CNTNAP2: variants seen among roughly 807,000 people sequenced by gnomAD.
The protein encoded by CNTNAP2 is contactin-associated protein-like 2.
Under a neutral mutation model 155.2 loss-of-function variants are expected in CNTNAP2, and 98 were observed. The observed-to-expected ratio is 0.63, with a 90% CI of 0.54 to 0.75. The LOEUF (loss-of-function observed/expected upper bound fraction) is 0.75. CNTNAP2 is among the 30% of genes least tolerant of loss of function. The pLI is 0.00. For synonymous variants in CNTNAP2, 651 were observed against 631.2 expected (o/e 1.03, Z -0.47); for missense variants, 1,727 against 1,688.1 (o/e 1.02, Z -0.40).
At chr7:147,642,011 CGTGTGTGT>C (rs3053478) in intron 13 of CNTNAP2, among the ~76,000 whole-genome samples, 1 of 149,600 alleles carries the variant, frequency 6.7e-6, no homozygotes, top group Non-Finnish European at 1.5e-5. Context: ...TGTGTGTGTG[CGTGTGTGT>C]GTGTGTGTGT....
intron 9 of CNTNAP2, among the ~76,000 whole-genome samples, chr7:147,378,274 T>C (rs983991452): frequency 7.9e-5 from 12 of 152,022 alleles, no homozygotes; most frequent in African/African-American, 2.9e-4. Flanking sequence ...TGAGAGGTTT[T>C]TTTCTTTAAA....
intron 17 of CNTNAP2, among the ~76,000 whole-genome samples, chr7:148,158,629 A>G (rs1345984192): frequency 6.6e-6 from 1 of 152,192 alleles, no homozygotes; most frequent in Non-Finnish European, 1.5e-5. Context: ...ACTATATTAT[A>G]TGGGTAGAAA....
chr7:147,409,228 A>T (rs899510285), intron 10 of CNTNAP2, among the ~76,000 whole-genome samples: 7 of 152,260 alleles, frequency 4.6e-5, no homozygotes, highest in African/African-American at 1.4e-4. Context: ...TAGAGGCAGA[A>T]TTGAGATAGA....
chr7:146,940,700 C>T (rs1283458296), intron 3 of CNTNAP2, among the ~76,000 whole-genome samples: 2 of 151,334 alleles, frequency 1.3e-5, no homozygotes, highest in South Asian at 2.1e-4. Flanking sequence ...TATATATACA[C>T]ACACACACAC....
chr7:147,243,670 G>A (rs17170371), intron 8 of CNTNAP2, among the ~76,000 whole-genome samples: 12,960 of 151,958 alleles, frequency 0.085, 578 homozygotes, highest in Middle Eastern at 0.099. Flanking sequence ...CAAAATTTGT[G>A]GATAAAAATA....
intron 3 of CNTNAP2, among the ~76,000 whole-genome samples, chr7:146,948,284 A>G (rs1262472400): frequency 1.3e-5 from 2 of 152,314 alleles, no homozygotes; most frequent in Non-Finnish European, 1.5e-5. Context: ...GACACAGACC[A>G]TGTTGCCTGC....
chr7:146,847,068 A>ACGTTGAACTCAATGCTAATTTTT (rs1562971381), intron 3 of CNTNAP2, among the ~76,000 whole-genome samples: 2 of 151,872 alleles, frequency 1.3e-5, no homozygotes, highest in African/African-American at 4.8e-5. Flanking sequence ...AATTTTTTTT[A>ACGTTGAACTCAATGCTAATTTTT]TCGTGTCAAG....
intron 13 of CNTNAP2, among the ~76,000 whole-genome samples, chr7:147,648,490 A>G (rs1795402457): frequency 6.6e-6 from 1 of 152,252 alleles, no homozygotes; most frequent in Non-Finnish European, 1.5e-5. Context: ...TGATAAAGAC[A>G]TACCTGAGAC....
chr7:146,956,448 AG>A (rs1241942332), intron 3 of CNTNAP2, among the ~76,000 whole-genome samples: 2 of 152,156 alleles, frequency 1.3e-5, no homozygotes, highest in Non-Finnish European at 2.9e-5. Context: ...CTACCTTAGA[AG>A]AAAGGAAAAG....
chr7:146,721,889 A>ATATATATATTTTTTTTTTTTTT, intron 1 of CNTNAP2, among the ~76,000 whole-genome samples: 1 of 69,734 alleles, frequency 1.4e-5, no homozygotes, highest in African/African-American at 1.9e-4. Flanking sequence ...ATATATATAT[A>ATATATATATTTTTTTTTTTTTT]TTTTTTTTTT....
intron 13 of CNTNAP2, among the ~76,000 whole-genome samples, chr7:147,667,188 G>A (rs1795709380): frequency 6.6e-6 from 1 of 152,208 alleles, no homozygotes; most frequent in Admixed American, 6.5e-5. Context: ...TGCAAGTGCT[G>A]ATGTGAAGAC....
At position 146,245,267 on chromosome 7, in the gene CNTNAP2, A is replaced by G. The variant is rs973997639; in HGVS notation, c.97+128294A>G. On this transcript the variant is annotated intron_variant, in intron 1 of 23. Transcript: ENST00000361727. The stretch of plus-strand genomic sequence containing the variant: ...TATCAGGAATAATGTGGGAGGCCAG[A>G]TTGAAGTCCGGGCCAGGAACAATGG... Among the ~76,000 whole-genome samples, 31 of 152,182 alleles carry G rather than the reference A, an allele frequency of 2.0e-4. 1 individual carries two copies. Among genetic ancestry groups the G allele is most frequent in the Non-Finnish European group, 7.3e-5 (5 of 68,032 alleles).
At chr7:146,447,965 A>G (rs1313065317) in intron 1 of CNTNAP2, among the ~76,000 whole-genome samples, 2 of 151,982 alleles carry the variant, frequency 1.3e-5, no homozygotes, top group East Asian at 3.9e-4. Context: ...TTTATTAATA[A>G]TATTGGCTTC....
At chr7:148,220,341 A>G (rs947242533) in intron 19 of CNTNAP2, among the ~76,000 whole-genome samples, 1 of 152,160 alleles carries the variant, frequency 6.6e-6, no homozygotes, top group African/African-American at 2.4e-5. Context: ...TGACCTCGTG[A>G]TCCGCCCGCC....
chr7:146,689,716 G>A (rs558128458), intron 1 of CNTNAP2, among the ~76,000 whole-genome samples: 2 of 152,266 alleles, frequency 1.3e-5, no homozygotes, highest in Admixed American at 6.5e-5. Flanking sequence ...AAAAGCTGCA[G>A]TTGTGAGGTA....
chr7:147,814,098 C>G (rs904583434), intron 13 of CNTNAP2, among the ~76,000 whole-genome samples: 1 of 152,126 alleles, frequency 6.6e-6, no homozygotes, highest in Non-Finnish European at 1.5e-5. Flanking sequence ...AAGTTAATTA[C>G]TTTTTCTAAT....
At chr7:146,662,588 A>G (rs1398154147) in intron 1 of CNTNAP2, among the ~76,000 whole-genome samples, 1 of 152,170 alleles carries the variant, frequency 6.6e-6, no homozygotes, top group African/African-American at 2.4e-5. Context: ...ATATTTTAAC[A>G]GGGTCTTTCA....
chr7:148,107,975 G>A (rs1232157148), intron 15 of CNTNAP2, among the ~76,000 whole-genome samples: 1 of 152,146 alleles, frequency 6.6e-6, no homozygotes, highest in Non-Finnish European at 1.5e-5. Context: ...GCCTGGCAGC[G>A]ACACTCCTCA....
intron 4 of CNTNAP2, among the ~76,000 whole-genome samples, chr7:147,048,469 G>C: frequency 6.6e-6 from 1 of 152,086 alleles, no homozygotes; most frequent in East Asian, 1.9e-4. Context: ...ACAAATTTCT[G>C]TTATTTTAAG....
Sources: allele counts gnomAD v4.1 joint callset (sites outside exome capture counted in the v4.1 genomes callset), GRCh38; gene constraint gnomAD v4.1.1; transcripts MANE v1.5; gene names NCBI Gene and HGNC (gene_info 2026-07-23, HGNC 2026-07-21).